Variants in TMEM236 observed in about 807,000 individuals in gnomAD.
The protein encoded by TMEM236 is family with sequence similarity 23, member A.
In TMEM236, 11 loss-of-function variants were observed where a neutral mutation model predicts 14.7. The observed-to-expected ratio is 0.75, with a 90% CI of 0.47 to 1.24. The LOEUF (loss-of-function observed/expected upper bound fraction) is 1.24. Among genes scored for constraint, TMEM236 ranks in the 50% most tolerant of loss-of-function variants. TMEM236 has a pLI of 0.00. For synonymous variants in TMEM236, 182 were observed against 168.6 expected, an observed-to-expected ratio of 1.08 and a Z score of -0.62; for missense variants, 464 against 427.3, an observed-to-expected ratio of 1.09 and a Z score of -0.76.
chr10:17,765,477 G>A (rs1178123965), intron 1 of TMEM236, among the ~76,000 whole-genome samples: 12 of 152,022 alleles, frequency 7.9e-5, no homozygotes, highest in African/African-American at 2.9e-4. Flanking sequence ...CAAGGTATAG[G>A]CAAGACTTGG....
Position 17,752,402 on chromosome 10 carries a change from A to G in TMEM236, c.107A>G (p.Gln36Arg), listed in dbSNP as rs1288316094. 3.1e-6 allele frequency: 5 copies of G among 1,613,778 alleles called. No homozygotes were observed. The highest frequency in any genetic ancestry group is 1.6e-4 in the Middle Eastern group (1 of 6,078). ...ACAGAACAGTTTGCCACCGCCTACC[A>G]AGGAACAAGGGCTAGATCTGACAAC... ...VITEQFATAY[Q>R]GTRARSDNTH... The change falls in exon 1 of 4, where the codon CAA becomes CGA. Residue 36 changes from glutamine (Q) to arginine (R), a missense_variant. Gln to Arg is a conservative substitution (Grantham distance 43). Coordinates refer to ENST00000377495, the MANE Select transcript of TMEM236 (RefSeq NM_001098844.3).
chr10:17,764,667 T>G (rs1307340983), intron 1 of TMEM236, among the ~76,000 whole-genome samples: 2 of 152,012 alleles, frequency 1.3e-5, no homozygotes, highest in Non-Finnish European at 2.9e-5. Flanking sequence ...GAGATGTAAG[T>G]AAGGAAGGCT....
intron 1 of TMEM236, among the ~76,000 whole-genome samples, chr10:17,754,306 C>T (rs1283399099): frequency 1.3e-5 from 2 of 152,072 alleles, no homozygotes. Context: ...CAACTGGTTC[C>T]TTTAGACTTT....
intron 3 of TMEM236, among the ~76,000 whole-genome samples, chr10:17,781,016 G>A (rs1209432728): frequency 6.6e-6 from 1 of 152,128 alleles, no homozygotes; most frequent in Non-Finnish European, 1.5e-5. Context: ...CTTTCCACTT[G>A]GCTGGTGCCA....
Position 17,796,010 on chromosome 10 carries a change from T to C in TMEM236, c.562T>C (p.Ser188Pro), listed in dbSNP as rs1838006466. 26 of 1,613,644 alleles carry C rather than the reference T, an allele frequency of 1.6e-5. No individual in the cohort carries two copies. Among genetic ancestry groups the C allele is most frequent in the Non-Finnish European group, 1.9e-5 (23 of 1,179,836 alleles). Residue 188 changes from serine (S) to proline (P), a missense_variant, in exon 4 of 4, where the codon TCT becomes CCT. By Grantham distance (74) the Ser-to-Pro change is moderately conservative. Coordinates refer to ENST00000377495, the MANE Select transcript of TMEM236 (RefSeq NM_001098844.3). ...GAGGCAAAGTCCAGAAAACGCTGCATCTCCCCAGGCAACCAACAGCACCCA... is the reference window on the plus strand; with the variant it reads ...GAGGCAAAGTCCAGAAAACGCTGCACCTCCCCAGGCAACCAACAGCACCCA... ...QVRQSPENAA[S>P]PQATNSTQVS...
intron 3 of TMEM236, 128 bp downstream of exon 3, chr10:17,776,298 G>A: frequency 1.1e-6 from 1 of 928,102 alleles, no homozygotes; most frequent in East Asian, 2.4e-5. Flanking sequence ...ATAGAAGATT[G>A]CAAATGAAGA....
At chr10:17,770,819 G>A (rs34605460) in intron 1 of TMEM236, among the ~76,000 whole-genome samples, 1 of 151,716 alleles carries the variant, frequency 6.6e-6, no homozygotes, top group African/African-American at 2.4e-5. Context: ...TTTTATGTGT[G>A]TATGGTTTTT....
chr10:17,763,317 A>G (rs1018603915), intron 1 of TMEM236, among the ~76,000 whole-genome samples: 17 of 152,070 alleles, frequency 1.1e-4, no homozygotes, highest in South Asian at 4.1e-4. Flanking sequence ...TTACCTGGGC[A>G]TGGTGGTGCA....
At position 17,779,864 on chromosome 10, in the gene TMEM236, G is replaced by A. The variant is rs1039944057; in HGVS notation, c.472+3694G>A. 2.8e-4 allele frequency among the ~76,000 whole-genome samples: 43 copies of A among 152,108 alleles called. No individual in the cohort carries two copies. The East Asian group carries it at 6.0e-3, about 21-fold the overall frequency. On this transcript the variant is annotated intron_variant, in intron 3 of 3. Coordinates refer to ENST00000377495, the MANE Select transcript of TMEM236 (RefSeq NM_001098844.3). ...ATGCTATTTTCTACCACTCCTGCTC[G>A]GCTCTGCTCTAAATGCTGTTGGTGC... is the stretch of plus-strand genomic sequence containing the variant.
In TMEM236 at chr10:17,776,057, A is replaced by T. The variant is rs888271639; in HGVS notation, c.359A>T (p.Asp120Val). ...CAAAAGAGCATTAATGGGTCCGCTG[A>T]TGTCTTACCTGATATGTTACCTGAC... ...EVQKSINGSADVLPDMLPDLP... is the reference protein window; with the variant it reads ...EVQKSINGSAVVLPDMLPDLP... The change falls in exon 3 of 4, where the codon GAT (aspartate) becomes GTT (valine). Residue 120 changes from aspartate (D) to valine (V), a missense_variant. By Grantham distance (152) the Asp-to-Val change is radical (BLOSUM62 -3). Transcript: ENST00000377495. 3 of 1,613,754 alleles carry T rather than the reference A, an allele frequency of 1.9e-6. No individual in the cohort carries two copies. The highest frequency in any genetic ancestry group is 2.5e-6 in the Non-Finnish European group (3 of 1,179,840).
In TMEM236 at chr10:17,752,525, G is replaced by A. The variant is rs1016859711; in HGVS notation, c.230G>A (p.Arg77His). The change falls in exon 1 of 4, where the codon CGT becomes CAT. Residue 77 changes from arginine to histidine, a missense_variant. Transcript: ENST00000377495. ...GTAAAAGTTATCCTGCACAAGAAAC[G>A]TTATATTTACAGAAAAATTAAAGGA... Reference protein sequence around the residue: ...VPVKVILHKKRYIYRKIKGWR... With the variant: ...VPVKVILHKKHYIYRKIKGWR... 1.2e-5 allele frequency: 19 copies of A among 1,613,712 alleles called. No individual in the cohort carries two copies. The highest frequency in any genetic ancestry group is 1.7e-5 in the Admixed American group (1 of 59,968).
At chr10:17,768,087 T>G (rs1176100344) in intron 1 of TMEM236, among the ~76,000 whole-genome samples, 6 of 102,388 alleles carry the variant, frequency 5.9e-5, no homozygotes, top group Admixed American at 3.9e-4. Context: ...ATTTTTGTGG[T>G]TTTTTTTTTT....
At chr10:17,762,608 T>TATAC (rs1837387628) in intron 1 of TMEM236, among the ~76,000 whole-genome samples, 2 of 78,906 alleles carry the variant, frequency 2.5e-5, no homozygotes, top group Non-Finnish European at 4.3e-5. Flanking sequence ...TATATATATA[T>TATAC]ATATATATAT....
rs1340327578 is a variant in TMEM236 at position 17,798,389 on chromosome 10, A to C, written c.*1885A>C. The C allele has an allele frequency of 1.1e-5, 4 of 361,292 alleles. No homozygotes were observed. The East Asian group carries it at 2.9e-4, about 27-fold the overall frequency. The allele number at this position is 361,292 out of a possible 1,614,324, so 22.4% of individuals were successfully genotyped here. A position where few individuals can be genotyped will look rare whatever the true frequency, so the allele number is the denominator to read the frequency against. ...TTCTACCTCTACAAAAAATACAAAA[A>C]TTAGCTGGGCATGGTGATCTGCAAC... On this transcript the variant is annotated 3_prime_UTR_variant, in exon 4 of 4. Transcript: ENST00000377495.
chr10:17,773,823 C>A (rs1589146224), intron 2 of TMEM236, among the ~76,000 whole-genome samples: 1 of 152,206 alleles, frequency 6.6e-6, no homozygotes, highest in East Asian at 1.9e-4. Flanking sequence ...ATTATACAAG[C>A]CTTTTTTGAT....
At chr10:17,792,034 G>C (rs1346718760) in intron 3 of TMEM236, among the ~76,000 whole-genome samples, 1 of 151,910 alleles carries the variant, frequency 6.6e-6, no homozygotes, top group African/African-American at 2.4e-5. Context: ...TTTCTTCCTG[G>C]ATGTTTTTAG....
At chr10:17,753,676 C>G (rs1425481897) in intron 1 of TMEM236, among the ~76,000 whole-genome samples, 1 of 152,162 alleles carries the variant, frequency 6.6e-6, no homozygotes, top group Non-Finnish European at 1.5e-5. Context: ...GGTTTCCTGT[C>G]TTTGCCATTG....
chr10:17,766,954 G>C (rs1171377748), intron 1 of TMEM236, among the ~76,000 whole-genome samples: 1 of 151,956 alleles, frequency 6.6e-6, no homozygotes, highest in Non-Finnish European at 1.5e-5. Flanking sequence ...TTTCTTCACA[G>C]TCTTCCCTCT....
At chr10:17,778,028 C>T (rs1837687277) in intron 3 of TMEM236, among the ~76,000 whole-genome samples, 2 of 152,172 alleles carry the variant, frequency 1.3e-5, no homozygotes, top group African/African-American at 2.4e-5. Flanking sequence ...TGTGAGCCAC[C>T]GTGGCTGGCC....
Sources: gnomAD v4.1 joint callset for allele counts (sites outside exome capture counted in the v4.1 genomes callset) on GRCh38, gnomAD v4.1.1 for gene constraint, MANE v1.5 for transcripts, NCBI Gene and HGNC (gene_info 2026-07-23, HGNC 2026-07-21) for gene names.